CPA3: variants seen among roughly 807,000 people sequenced by gnomAD.
CPA3 encodes the protein mast cell carboxypeptidase A.
Under a neutral mutation model 55.8 loss-of-function variants are expected in CPA3, and 52 were observed. That is an observed-to-expected ratio of 0.93 (90% CI 0.75 to 1.17). The LOEUF (loss-of-function observed/expected upper bound fraction) is 1.17, where lower values mean the gene tolerates loss of function less well. Ranked by LOEUF, CPA3 falls within the 50% of genes most tolerant of loss-of-function variation. The probability of loss-of-function intolerance (pLI) is 0.00; values close to 1 mark genes in which losing one functional copy is unlikely to be tolerated. For missense variants in CPA3, 547 were observed against 509.1 expected (o/e 1.07, Z -0.72); for synonymous variants, 179 against 171.2 (o/e 1.05, Z -0.36).
intron 3 of CPA3, among the ~76,000 whole-genome samples, chr3:148,871,807 T>C (rs1226939133): frequency 6.6e-6 from 1 of 152,176 alleles, no homozygotes; most frequent in Non-Finnish European, 1.5e-5. Flanking sequence ...CCCTCAGAAA[T>C]ATAAATATGT....
intron 2 of CPA3, among the ~76,000 whole-genome samples, chr3:148,865,813 T>C (rs1713886849): frequency 6.6e-6 from 1 of 152,174 alleles, no homozygotes; most frequent in Non-Finnish European, 1.5e-5. Context: ...TCAGGAGCTG[T>C]TCTTGGCCTC....
chr3:148,870,382 C>G (rs1714030611), intron 3 of CPA3, among the ~76,000 whole-genome samples: 1 of 152,022 alleles, frequency 6.6e-6, no homozygotes, highest in African/African-American at 2.4e-5. Flanking sequence ...TATTGCAGAG[C>G]AGGATTTACT....
intron 10 of CPA3, among the ~76,000 whole-genome samples, chr3:148,889,314 C>G (rs1356586621): frequency 6.6e-6 from 1 of 152,046 alleles, no homozygotes; most frequent in Non-Finnish European, 1.5e-5. Context: ...TAACATGTCC[C>G]CAGATTTAGG....
rs372797881 is a variant in CPA3, at chr3:148,865,469, A to C, written c.69-4A>C. On this transcript the variant is annotated splice_polypyrimidine_tract_variant and splice_region_variant and intron_variant, in intron 1 of 10. Transcript: ENST00000296046. ...CTTTTTTTTTTTCATTTGCCTCCAC[A>C]AAGGGAGAAGGTGTTCCGCGTGAAG... 1.4e-5 allele frequency: 23 copies of C among 1,613,648 alleles called. No individual in the cohort carries two copies. The highest frequency in any genetic ancestry group is 1.8e-5 in the Non-Finnish European group (21 of 1,179,936).
intron 3 of CPA3, among the ~76,000 whole-genome samples, chr3:148,875,702 G>A (rs1353266024): frequency 6.6e-6 from 1 of 152,096 alleles, no homozygotes; most frequent in Non-Finnish European, 1.5e-5. Flanking sequence ...AAATAAGACA[G>A]ACAAGATTTT....
chr3:148,892,450 C>G lies in CPA3; in HGVS notation c.1067-4070C>G, dbSNP rs563213496. The stretch of plus-strand genomic sequence containing the variant: ...GGAGGATCACCTGAGAACAGGAGTC[C>G]GAGACCAGCCTGGCCAACATGGTGA... On this transcript the variant is annotated intron_variant, in intron 10 of 10. Coordinates refer to ENST00000296046, the MANE Select transcript of CPA3 (RefSeq NM_001870.4). 2.6e-3 allele frequency among the ~76,000 whole-genome samples: 393 copies of G among 151,954 alleles called. 1 individual carries two copies. The highest frequency in any genetic ancestry group is 8.8e-3 in the African/African-American group (363 of 41,406).
intron 2 of CPA3, among the ~76,000 whole-genome samples, chr3:148,867,583 C>T (rs1345148956): frequency 6.6e-6 from 1 of 152,250 alleles, no homozygotes; most frequent in African/African-American, 2.4e-5. Flanking sequence ...GATAAGATGG[C>T]TCTGCCTAAC....
intron 6 of CPA3, among the ~76,000 whole-genome samples, chr3:148,880,422 C>T (rs373737189): frequency 1.3e-5 from 2 of 151,684 alleles, no homozygotes; most frequent in East Asian, 3.9e-4. Flanking sequence ...ACCTCCGCCT[C>T]CTGGGTTCAA....
intron 3 of CPA3, among the ~76,000 whole-genome samples, chr3:148,878,169 A>G (rs1394119732): frequency 6.6e-6 from 1 of 152,232 alleles, no homozygotes; most frequent in East Asian, 1.9e-4. Flanking sequence ...ACATACAGCA[A>G]TCTACTCTTG....
chr3:148,893,210 A>G (rs1714724177), intron 10 of CPA3, among the ~76,000 whole-genome samples: 1 of 152,164 alleles, frequency 6.6e-6, no homozygotes, highest in East Asian at 1.9e-4. Context: ...TGCAGTTTCA[A>G]ACATTGGAAA....
chr3:148,868,195 G>A (rs1559965436), intron 2 of CPA3, among the ~76,000 whole-genome samples: 2 of 152,066 alleles, frequency 1.3e-5, no homozygotes, highest in Non-Finnish European at 2.9e-5. Flanking sequence ...ACCCAGCCTC[G>A]AAATTATTTT....
intron 10 of CPA3, among the ~76,000 whole-genome samples, chr3:148,886,889 C>G (rs1047725740): frequency 6.6e-6 from 1 of 152,144 alleles, no homozygotes; most frequent in African/African-American, 2.4e-5. Flanking sequence ...CAAGTTATCT[C>G]TCCTTCTCAC....
intron 3 of CPA3, among the ~76,000 whole-genome samples, chr3:148,870,704 C>G (rs1468095830): frequency 6.6e-6 from 1 of 152,022 alleles, no homozygotes; most frequent in Non-Finnish European, 1.5e-5. Context: ...CAGCTTTTAA[C>G]CCTTTTAACT....
intron 10 of CPA3, among the ~76,000 whole-genome samples, chr3:148,894,335 C>T (rs966587434): frequency 1.1e-4 from 17 of 151,646 alleles, no homozygotes; most frequent in African/African-American, 4.1e-4. Context: ...TATTATAGTA[C>T]CTGGAGCAAC....
In CPA3 at chr3:148,865,702, T is replaced by G. The variant is rs143787463; in HGVS notation, c.144+154T>G. On this transcript the variant is annotated intron_variant, in intron 2 of 10. Transcript: ENST00000296046. ...GATAATTCAGCCAATGGCCAATACT[T>G]CACCTGTTCTGGTTTTGGTCTTGGT... 2.6e-3 allele frequency among the ~76,000 whole-genome samples: 401 copies of G among 152,292 alleles called. 1 individual carries two copies. The highest frequency in any genetic ancestry group is 4.6e-3 in the Non-Finnish European group (314 of 68,026).
chr3:148,888,555 A>C (rs1714593616), intron 10 of CPA3, among the ~76,000 whole-genome samples: 1 of 152,266 alleles, frequency 6.6e-6, no homozygotes, highest in South Asian at 2.1e-4. Flanking sequence ...AAGAACAAGA[A>C]GACAGACTAG....
At chr3:148,892,654 A>G (rs867254337) in intron 10 of CPA3, among the ~76,000 whole-genome samples, 3 of 151,952 alleles carry the variant, frequency 2.0e-5, no homozygotes, top group Non-Finnish European at 2.9e-5. Context: ...CTCTATCTCA[A>G]AAACAACAAC....
intron 3 of CPA3, among the ~76,000 whole-genome samples, chr3:148,873,976 G>T (rs1393417819): frequency 1.3e-5 from 2 of 152,084 alleles, no homozygotes; most frequent in Non-Finnish European, 2.9e-5. Flanking sequence ...GCAAATTTTG[G>T]AGCTCAAAAT....
chr3:148,865,484 T>A lies in CPA3; in HGVS notation c.80T>A (p.Phe27Tyr). 6.2e-7 allele frequency: 1 copy of A among 1,614,036 alleles called. No individual in the cohort carries two copies. Among genetic ancestry groups the A allele is most frequent in the Non-Finnish European group, 8.5e-7 (1 of 1,179,994 alleles). ...TTGCCTCCACAAAGGGAGAAGGTGTTCCGCGTGAAGCCCCAGGATGAAAAA... is the reference window on the plus strand; with the variant it reads ...TTGCCTCCACAAAGGGAGAAGGTGTACCGCGTGAAGCCCCAGGATGAAAAA... ...APVRFDREKV[F>Y]RVKPQDEKQA... Residue 27 changes from phenylalanine to tyrosine, a missense_variant, in exon 2 of 11, where the codon TTC becomes TAC. Transcript: ENST00000296046.
Sources: allele counts gnomAD v4.1 joint callset (sites outside exome capture counted in the v4.1 genomes callset), GRCh38; gene constraint gnomAD v4.1.1; transcripts MANE v1.5; gene names NCBI Gene and HGNC (gene_info 2026-07-23, HGNC 2026-07-21).